The following FRMD5 variants were observed in gnomAD, a reference collection of about 807,000 sequenced individuals.
The protein encoded by FRMD5 is FERM domain containing 5, also known as FERM domain-containing protein 5.
A neutral mutation model predicts 69.0 loss-of-function variants in FRMD5; 20 were observed. The observed-to-expected ratio is 0.29, with a 90% confidence interval of 0.20 to 0.42. FRMD5 has a LOEUF of 0.42. FRMD5 is among the 10% of genes least tolerant of loss of function. The probability of loss-of-function intolerance (pLI) is 1.00; values close to 1 mark genes in which losing one functional copy is unlikely to be tolerated. For synonymous variants in FRMD5, 271 were observed against 260.1 expected, an observed-to-expected ratio of 1.04 and a Z score of -0.40; for missense variants, 595 against 708.6, an observed-to-expected ratio of 0.84 and a Z score of 1.82.
upstream of FRMD5, among the ~76,000 whole-genome samples, chr15:44,195,747 G>T (rs1304688552): frequency 1.3e-5 from 2 of 152,208 alleles, no homozygotes; most frequent in East Asian, 3.9e-4. Context: ...GACCTGTGCT[G>T]TACCCTAAGT....
At chr15:43,950,624 A>C (rs539167664) in intron 1 of FRMD5, among the ~76,000 whole-genome samples, 1 of 152,356 alleles carries the variant, frequency 6.6e-6, no homozygotes, top group South Asian at 2.1e-4. Flanking sequence ...GGCAGAGGCC[A>C]AGCGTTCCCA....
intron 7 of FRMD5, among the ~76,000 whole-genome samples, chr15:43,900,640 C>T (rs1322260508): frequency 2.1e-5 from 3 of 144,004 alleles, no homozygotes; most frequent in Non-Finnish European, 4.5e-5. Context: ...TTTTTTGAGA[C>T]AGAGTCTCGC....
chr15:43,952,042 TTCA>T (rs1487221042), intron 1 of FRMD5, among the ~76,000 whole-genome samples: 1 of 129,454 alleles, frequency 7.7e-6, no homozygotes, highest in African/African-American at 3.0e-5. Flanking sequence ...GTGTGTGTGT[TTCA>T]GAGTTGCCAT....
chr15:44,048,126 T>C (rs1394207023), intron 1 of FRMD5, among the ~76,000 whole-genome samples: 1 of 152,206 alleles, frequency 6.6e-6, no homozygotes, highest in Non-Finnish European at 1.5e-5. Context: ...GTTTAACTTA[T>C]TGAGGAACTG....
chr15:43,952,390 G>A (rs548291434), intron 1 of FRMD5, among the ~76,000 whole-genome samples: 33 of 152,150 alleles, frequency 2.2e-4, no homozygotes, highest in African/African-American at 6.0e-4. Flanking sequence ...ATGAGATTCC[G>A]CCCAGTGTCA....
intron 1 of FRMD5, among the ~76,000 whole-genome samples, chr15:44,055,526 CACT>C (rs1378253370): frequency 2.0e-5 from 3 of 152,142 alleles, no homozygotes; most frequent in African/African-American, 7.2e-5. Context: ...TCACTATACA[CACT>C]ACAAGCTTTA....
intron 1 of FRMD5, among the ~76,000 whole-genome samples, chr15:44,108,965 A>AAAAAATAAAAT: frequency 7.3e-6 from 1 of 136,862 alleles, no homozygotes; most frequent in Admixed American, 7.3e-5. Flanking sequence ...CTCTCTAAAT[A>AAAAAATAAAAT]AAAATAAAAT....
intron 1 of FRMD5, among the ~76,000 whole-genome samples, chr15:43,939,022 C>T (rs368709417): frequency 1.3e-4 from 19 of 151,618 alleles, no homozygotes; most frequent in Middle Eastern, 3.4e-3. Flanking sequence ...CCACCACATC[C>T]GGCTAATTTT....
chr15:44,073,032 G>A (rs1893606914), intron 1 of FRMD5, among the ~76,000 whole-genome samples: 1 of 152,172 alleles, frequency 6.6e-6, no homozygotes, highest in Non-Finnish European at 1.5e-5. Flanking sequence ...TACTTGGGAG[G>A]CTGAGGCAGG....
chr15:44,045,039 GA>G (rs1892370647), intron 1 of FRMD5, among the ~76,000 whole-genome samples: 1 of 152,104 alleles, frequency 6.6e-6, no homozygotes, highest in South Asian at 2.1e-4. Context: ...ATAAAACTGT[GA>G]CACATAACTC....
chr15:43,895,639 G>A (rs1236848139), intron 7 of FRMD5, among the ~76,000 whole-genome samples: 3 of 152,232 alleles, frequency 2.0e-5, no homozygotes, highest in Non-Finnish European at 4.4e-5. Context: ...CTCATATGAA[G>A]AGAGCAGTTC....
intron 1 of FRMD5, among the ~76,000 whole-genome samples, chr15:43,995,981 C>T (rs1481875435): frequency 6.6e-6 from 1 of 151,636 alleles, no homozygotes; most frequent in Admixed American, 6.6e-5. Flanking sequence ...GCTGCAGAGG[C>T]TCCCCTACAG....
At chr15:44,116,405 G>A (rs1449037342) in intron 1 of FRMD5, among the ~76,000 whole-genome samples, 1 of 151,892 alleles carries the variant, frequency 6.6e-6, no homozygotes, top group Non-Finnish European at 1.5e-5. Context: ...GACTAAGGAC[G>A]CCACCACACC....
intron 1 of FRMD5, among the ~76,000 whole-genome samples, chr15:43,932,056 CAG>C (rs1324701802): frequency 6.6e-6 from 1 of 152,210 alleles, no homozygotes; most frequent in Non-Finnish European, 1.5e-5. Flanking sequence ...ATCTCTAAAA[CAG>C]AGTTAATCTT....
At chr15:43,932,012 C>T (rs2089684556) in intron 1 of FRMD5, among the ~76,000 whole-genome samples, 1 of 152,150 alleles carries the variant, frequency 6.6e-6, no homozygotes, top group Non-Finnish European at 1.5e-5. Flanking sequence ...GATCTCAGAC[C>T]CATCCCTTAA....
chr15:43,996,715 A>ATTTTTTT (rs11397296), intron 1 of FRMD5, among the ~76,000 whole-genome samples: 40 of 86,028 alleles, frequency 4.6e-4, no homozygotes, highest in African/African-American at 8.0e-4. Flanking sequence ...TCCTCAGCTG[A>ATTTTTTT]TTTTTTTTTT....
chr15:44,168,649 G>A (rs1595548986), intron 1 of FRMD5, among the ~76,000 whole-genome samples: 1 of 152,136 alleles, frequency 6.6e-6, no homozygotes, highest in African/African-American at 2.4e-5. Context: ...TCAGAGTTCA[G>A]GAATCAACTT....
intron 4 of FRMD5, among the ~76,000 whole-genome samples, chr15:43,910,572 CAAAAA>C (rs1167867396): frequency 1.5e-4 from 6 of 40,352 alleles, no homozygotes; most frequent in Admixed American, 2.8e-4. Context: ...GACCTTGTCT[CAAAAA>C]AAAAAAAAAA....
At chr15:43,997,969 T>C (rs1187787224) in intron 1 of FRMD5, among the ~76,000 whole-genome samples, 2 of 152,184 alleles carry the variant, frequency 1.3e-5, no homozygotes, top group African/African-American at 4.8e-5. Flanking sequence ...ATTATATATA[T>C]TTAAGGTATA....
Sources: gnomAD v4.1 joint callset for allele counts (sites outside exome capture counted in the v4.1 genomes callset) on GRCh38, gnomAD v4.1.1 for gene constraint, MANE v1.5 for transcripts, NCBI Gene and HGNC (gene_info 2026-07-23, HGNC 2026-07-21) for gene names.